The following AGTPBP1 variants were observed in gnomAD, a reference collection of about 807,000 sequenced individuals.
The protein encoded by AGTPBP1 is cytosolic carboxypeptidase 1.
AGTPBP1 carries 70 observed loss-of-function variants against 143.9 expected under a neutral mutation model. That is an observed-to-expected ratio of 0.49 (90% CI 0.40 to 0.59). The LOEUF (loss-of-function observed/expected upper bound fraction) is 0.59. AGTPBP1 is among the 20% of genes least tolerant of loss of function. The pLI is 0.00. For synonymous variants in AGTPBP1, 463 were observed against 500.2 expected (o/e 0.93, Z 0.99); for missense variants, 1,229 against 1,464.5 (o/e 0.84, Z 2.62).
chr9:85,577,178 G>A (rs1827949384), intron 24 of AGTPBP1, among the ~76,000 whole-genome samples: 1 of 152,098 alleles, frequency 6.6e-6, no homozygotes, highest in East Asian at 1.9e-4. Flanking sequence ...CACTACTATT[G>A]TATACTATGG....
chr9:85,766,436 G>A, the AGTPBP1 span, among the ~76,000 whole-genome samples: 1 of 152,164 alleles, frequency 6.6e-6, no homozygotes, highest in South Asian at 2.1e-4. Flanking sequence ...AAGGCACAGA[G>A]ATGAGAATTA....
chr9:85,759,998 C>G, the AGTPBP1 span, among the ~76,000 whole-genome samples: 2 of 152,086 alleles, frequency 1.3e-5, no homozygotes, highest in African/African-American at 2.4e-5. Flanking sequence ...CACCTCTACG[C>G]AAATAAACTA....
intron 1 of AGTPBP1, 47 bp downstream of exon 1, chr9:85,741,728 C>A: frequency 7.8e-7 from 1 of 1,278,440 alleles, no homozygotes; most frequent in Non-Finnish European, 9.9e-7. Context: ...CCGGGGAGAG[C>A]AGAGGGACGG....
the AGTPBP1 span, among the ~76,000 whole-genome samples, chr9:85,758,668 G>C: frequency 2.0e-5 from 3 of 152,076 alleles, no homozygotes; most frequent in Non-Finnish European, 4.4e-5. Context: ...AGAGGATAAA[G>C]TTGAGGAAAT....
the AGTPBP1 span, chr9:85,786,269 A>G: frequency 6.3e-7 from 1 of 1,583,842 alleles, no homozygotes. Context: ...CTCTGGGAAG[A>G]TATCCCAGAA....
chr9:85,566,529 C>CAAAAAAAAAAAAAAA lies in AGTPBP1; in HGVS notation c.3503+8771_3503+8785dup, dbSNP rs72129899. Among the ~76,000 whole-genome samples, 12 of 78,544 alleles carry CAAAAAAAAAAAAAAA rather than the reference C, an allele frequency of 1.5e-4. 2 individuals carry two copies. The highest frequency in any genetic ancestry group is 6.9e-4 in the African/African-American group (12 of 17,274). 51.5% of individuals were successfully genotyped at this position (78,544 alleles called of 152,430 possible). On this transcript the variant is annotated intron_variant, in intron 25 of 25. Coordinates refer to ENST00000357081, the MANE Select transcript of AGTPBP1 (RefSeq NM_001330701.2). ...TGGGCAACAGATCAAGACCATGTCTCAAAAAAAAAAAAAAAAAAAAGGCTG... is the reference window on the plus strand; with the variant it reads ...TGGGCAACAGATCAAGACCATGTCTCAAAAAAAAAAAAAAAAAAAAAAAAAAAAAAAAAAAGGCTG...
chr9:85,639,035 CA>C (rs1832272398), intron 13 of AGTPBP1, among the ~76,000 whole-genome samples: 1 of 151,874 alleles, frequency 6.6e-6, no homozygotes. Context: ...GAAAGAGTAA[CA>C]AAAGTTGATC....
At chr9:85,724,337 A>G (rs117375631) in intron 1 of AGTPBP1, among the ~76,000 whole-genome samples, 2,240 of 152,004 alleles carry the variant, frequency 0.015, 24 homozygotes, top group Middle Eastern at 0.037. Context: ...TTTATAAGCT[A>G]CCTACTCTAT....
At chr9:85,733,193 C>A (rs1255552387) in intron 1 of AGTPBP1, among the ~76,000 whole-genome samples, 2 of 152,114 alleles carry the variant, frequency 1.3e-5, no homozygotes, top group Non-Finnish European at 2.9e-5. Context: ...CTCAAGTGCA[C>A]ACAGAACATT....
intron 13 of AGTPBP1, among the ~76,000 whole-genome samples, chr9:85,635,744 C>A (rs1831993302): frequency 6.6e-6 from 1 of 151,028 alleles, no homozygotes; most frequent in Non-Finnish European, 1.5e-5. Flanking sequence ...CTTGAACTGG[C>A]ATTAAGGTGA....
intron 13 of AGTPBP1, among the ~76,000 whole-genome samples, chr9:85,642,545 G>T (rs1185273921): frequency 8.6e-5 from 13 of 151,642 alleles, no homozygotes; most frequent in African/African-American, 2.2e-4. Context: ...TGTTGGCCAG[G>T]ATGATCTTGA....
At chr9:85,779,470 G>A in the AGTPBP1 span, among the ~76,000 whole-genome samples, 1 of 152,050 alleles carries the variant, frequency 6.6e-6, no homozygotes. Flanking sequence ...TAGGCTGGGA[G>A]GCTAGGTCAG....
At chr9:85,776,924 A>G in the AGTPBP1 span, among the ~76,000 whole-genome samples, 1 of 152,198 alleles carries the variant, frequency 6.6e-6, no homozygotes, top group Non-Finnish European at 1.5e-5. Flanking sequence ...TGGAAGAAAC[A>G]GTACCATATA....
chr9:85,673,040 G>A (rs1834590770), intron 6 of AGTPBP1, among the ~76,000 whole-genome samples: 6 of 151,968 alleles, frequency 3.9e-5, no homozygotes. Flanking sequence ...TGGCCCACAT[G>A]TAAGTTTTGA....
intron 2 of AGTPBP1, among the ~76,000 whole-genome samples, chr9:85,702,159 A>G (rs1285814379): frequency 6.6e-6 from 1 of 152,134 alleles, no homozygotes; most frequent in East Asian, 1.9e-4. Flanking sequence ...CCCTCCATGC[A>G]CTCAACCAAA....
intron 25 of AGTPBP1, among the ~76,000 whole-genome samples, chr9:85,568,955 G>T (rs903623331): frequency 1.3e-5 from 2 of 152,164 alleles, no homozygotes; most frequent in African/African-American, 4.8e-5. Flanking sequence ...GGATCCACAG[G>T]TCTGGGAGAT....
At chr9:85,764,239 G>T in the AGTPBP1 span, among the ~76,000 whole-genome samples, 1,087 of 151,722 alleles carry the variant, frequency 7.2e-3, 12 homozygotes, top group African/African-American at 0.025. Context: ...TTTAGAAAAT[G>T]AACACCCCGG....
At chr9:85,566,244 G>C (rs1007712387) in intron 25 of AGTPBP1, among the ~76,000 whole-genome samples, 1 of 152,152 alleles carries the variant, frequency 6.6e-6, no homozygotes, top group African/African-American at 2.4e-5. Flanking sequence ...TTGAAGCCAG[G>C]CACAGTGGCT....
At chr9:85,777,207 T>C in the AGTPBP1 span, among the ~76,000 whole-genome samples, 1 of 152,162 alleles carries the variant, frequency 6.6e-6, no homozygotes, top group African/African-American at 2.4e-5. Context: ...GAATAAGGCA[T>C]TCTGTGAGTC....
Sources: allele counts gnomAD v4.1 joint callset (sites outside exome capture counted in the v4.1 genomes callset), GRCh38; gene constraint gnomAD v4.1.1; transcripts MANE v1.5; gene names NCBI Gene and HGNC (gene_info 2026-07-23, HGNC 2026-07-21).